The following SHOC1 variants were observed in gnomAD, a reference collection of about 807,000 sequenced individuals.
The protein encoded by SHOC1 is protein shortage in chiasmata 1 ortholog.
SHOC1 carries 136 observed loss-of-function variants against 179.2 expected under a neutral mutation model. The observed-to-expected ratio is 0.76, with a 90% confidence interval of 0.66 to 0.87. The LOEUF (loss-of-function observed/expected upper bound fraction) is 0.87, where lower values mean the gene tolerates loss of function less well. Ranked by LOEUF, SHOC1 falls within the 40% of genes least tolerant of loss-of-function variation. The pLI is 0.00. For synonymous variants in SHOC1, 489 were observed against 586.6 expected (o/e 0.83, Z 2.41); for missense variants, 1,538 against 1,700.8 (o/e 0.90, Z 1.68).
At chr9:111,704,986 C>T (rs1170466515) in intron 21 of SHOC1, among the ~76,000 whole-genome samples, 1 of 151,868 alleles carries the variant, frequency 6.6e-6, no homozygotes, top group Non-Finnish European at 1.5e-5. Flanking sequence ...TTATTTTTGT[C>T]CATAAAATTG....
At position 111,713,145 on chromosome 9, in the gene SHOC1, C is replaced by T. The variant is rs1832629359; in HGVS notation, c.2443G>A (p.Asp815Asn). 6.4e-7 allele frequency: 1 copy of T among 1,571,570 alleles called. No individual in the cohort carries two copies. Among genetic ancestry groups the T allele is most frequent in the Non-Finnish European group, 8.7e-7 (1 of 1,145,884 alleles). ...KVLIIIRMDS[D>N]GEKHFLIKIL... ...TTAATGAGAAAATGTTTTTCACCGTCTGAGTCCATTCTTATTATAATCAGT... is the reference window on the plus strand; with the variant it reads ...TTAATGAGAAAATGTTTTTCACCGTTTGAGTCCATTCTTATTATAATCAGT... The change falls in exon 18 of 28, where the codon GAC becomes AAC. Residue 815 changes from aspartate (D) to asparagine (N), a missense_variant. Asp to Asn is a conservative substitution (Grantham distance 23). Transcript: ENST00000682961.
rs1834868152 is a variant in SHOC1 at position 111,756,491 on chromosome 9, A to G, written c.709-13T>C. The stretch of plus-strand genomic sequence containing the variant: ...GAAAACTTGACGGCTGAAAAAACAT[A>G]GTTTAAAAAAGTTTTTAGAGAGGCT... On this transcript the variant is annotated splice_polypyrimidine_tract_variant and intron_variant, in intron 7 of 27. Transcript: ENST00000682961. 6.3e-7 allele frequency: 1 copy of G among 1,578,270 alleles called. No homozygotes were observed. Among genetic ancestry groups the G allele is most frequent in the Non-Finnish European group, 8.6e-7 (1 of 1,169,584 alleles).
intron 5 of SHOC1, among the ~76,000 whole-genome samples, chr9:111,765,693 AAT>A (rs1835323597): frequency 6.6e-6 from 1 of 152,136 alleles, no homozygotes; most frequent in Non-Finnish European, 1.5e-5. Flanking sequence ...TTTGAGGTAA[AAT>A]ATGCCTATTA....
intron 9 of SHOC1, among the ~76,000 whole-genome samples, chr9:111,747,378 A>G (rs1360338560): frequency 6.6e-6 from 1 of 152,196 alleles, no homozygotes; most frequent in Non-Finnish European, 1.5e-5. Flanking sequence ...GATGACATAG[A>G]GAACGATAAC....
rs188145075 is a variant in SHOC1 at position 111,687,281 on chromosome 9, G to A, written c.4427-411C>T. On this transcript the variant is annotated intron_variant, in intron 27 of 27. Transcript: ENST00000682961. ...GGTATGTTTTCCTCACTATTCAAAC[G>A]GATTTTGTGTCTTCATCATCTACCT... Among the ~76,000 whole-genome samples, 176 of 152,088 alleles carry A rather than the reference G, an allele frequency of 1.2e-3. 2 individuals carry two copies. The highest frequency in any genetic ancestry group is 4.0e-4 in the Non-Finnish European group (27 of 67,968).
chr9:111,696,957 G>A (rs1831725302), intron 24 of SHOC1, among the ~76,000 whole-genome samples: 1 of 152,118 alleles, frequency 6.6e-6, no homozygotes, highest in Non-Finnish European at 1.5e-5. Context: ...CTTAGCAAGT[G>A]GTACTTTGAA....
intron 24 of SHOC1, among the ~76,000 whole-genome samples, chr9:111,694,873 C>T (rs764190133): frequency 4.6e-5 from 7 of 151,876 alleles, no homozygotes; most frequent in Non-Finnish European, 1.0e-4. Context: ...GTCATCATTC[C>T]CAGCATTTTG....
chr9:111,794,369 A>C (rs914910391), intron 1 of SHOC1, among the ~76,000 whole-genome samples: 2 of 151,582 alleles, frequency 1.3e-5, no homozygotes, highest in African/African-American at 4.8e-5. Context: ...GGATCACTTG[A>C]GGTCAGGAGT....
chr9:111,702,026 A>G, intron 23 of SHOC1, 79 bp downstream of exon 23: 2 of 1,022,258 alleles, frequency 2.0e-6, no homozygotes, highest in South Asian at 1.9e-5. Context: ...AGAAAATTGC[A>G]TAGCCATTTC....
intron 5 of SHOC1, chr9:111,759,336 A>T (rs371651579): frequency 7.8e-6 from 12 of 1,539,934 alleles, no homozygotes; most frequent in Non-Finnish European, 1.0e-5. Flanking sequence ...GACTGATTCT[A>T]TTATTCTTAA....
At chr9:111,711,991 A>G (rs1009718824) in intron 18 of SHOC1, among the ~76,000 whole-genome samples, 10 of 152,214 alleles carry the variant, frequency 6.6e-5, no homozygotes, top group Non-Finnish European at 1.5e-4. Context: ...TCTGGAAAGA[A>G]AAGGAGATGA....
At chr9:111,761,082 A>G (rs1051214377) in intron 5 of SHOC1, among the ~76,000 whole-genome samples, 1 of 152,200 alleles carries the variant, frequency 6.6e-6, no homozygotes, top group African/African-American at 2.4e-5. Context: ...ATATAATGTG[A>G]GTGGCATTTC....
At chr9:111,701,712 T>G (rs1417830306) in intron 23 of SHOC1, among the ~76,000 whole-genome samples, 1 of 152,128 alleles carries the variant, frequency 6.6e-6, no homozygotes, top group African/African-American at 2.4e-5. Context: ...TTGGTAGAAG[T>G]TATTTGTTAA....
intron 12 of SHOC1, among the ~76,000 whole-genome samples, chr9:111,733,368 A>T (rs1833675809): frequency 6.6e-6 from 1 of 152,188 alleles, no homozygotes; most frequent in African/African-American, 2.4e-5. Flanking sequence ...ATGTAAGACA[A>T]AAAGGTCAGA....
At chr9:111,722,325 TC>T (rs754062728) in intron 15 of SHOC1, 83 bp downstream of exon 15, 9 of 1,316,650 alleles carry the variant, frequency 6.8e-6, no homozygotes, top group Non-Finnish European at 8.2e-6. Flanking sequence ...AATTTCTGAA[TC>T]TTCTATACCC....
intron 5 of SHOC1, among the ~76,000 whole-genome samples, chr9:111,771,233 T>C (rs528146450): frequency 6.6e-6 from 1 of 152,288 alleles, no homozygotes; most frequent in African/African-American, 2.4e-5. Flanking sequence ...TATAAAAAGT[T>C]ATTTTAAAGA....
intron 5 of SHOC1, among the ~76,000 whole-genome samples, chr9:111,763,389 A>C (rs906644543): frequency 6.6e-6 from 1 of 152,144 alleles, no homozygotes; most frequent in African/African-American, 2.4e-5. Context: ...GTGAAATTTC[A>C]TAACACTGGA....
At chr9:111,756,231 TG>T in intron 8 of SHOC1, 93 bp downstream of exon 8, 1 of 999,828 alleles carries the variant, frequency 1.0e-6, no homozygotes, top group Non-Finnish European at 1.4e-6. Context: ...TTGCAAAATC[TG>T]GAGGTTCAGA....
intron 12 of SHOC1, among the ~76,000 whole-genome samples, chr9:111,728,899 A>G (rs1833431071): frequency 6.6e-6 from 1 of 152,212 alleles, no homozygotes; most frequent in Non-Finnish European, 1.5e-5. Context: ...ACAATAAAGT[A>G]AATATGTTAA....
Sources: allele counts gnomAD v4.1 joint callset (sites outside exome capture counted in the v4.1 genomes callset), GRCh38; gene constraint gnomAD v4.1.1; transcripts MANE v1.5; gene names NCBI Gene and HGNC (gene_info 2026-07-23, HGNC 2026-07-21).